The following RGS6 variants were observed in gnomAD, a reference collection of about 807,000 sequenced individuals.
RGS6 encodes regulator of G protein signaling 6.
A neutral mutation model predicts 78.5 loss-of-function variants in RGS6; 30 were observed. The ratio of observed to expected loss-of-function variants is 0.38; its 90% CI spans 0.29 to 0.52. The LOEUF (loss-of-function observed/expected upper bound fraction) is 0.52. Ranked by LOEUF, RGS6 falls within the 20% of genes least tolerant of loss-of-function variation. The pLI is 0.85. For synonymous variants in RGS6, 206 were observed against 206.0 expected, an observed-to-expected ratio of 1.00 and a Z score of 0.00; for missense variants, 495 against 609.7, an observed-to-expected ratio of 0.81 and a Z score of 1.98.
chr14:72,132,090 T>C (rs979065289), intron 2 of RGS6, among the ~76,000 whole-genome samples: 10 of 152,184 alleles, frequency 6.6e-5, no homozygotes, highest in Non-Finnish European at 1.3e-4. Flanking sequence ...GATATTGTCT[T>C]GTAATTATTT....
At chr14:72,392,202 A>ATG (rs2090161501) in intron 3 of RGS6, among the ~76,000 whole-genome samples, 1 of 151,876 alleles carries the variant, frequency 6.6e-6, no homozygotes, top group African/African-American at 2.4e-5. Context: ...ATATATATAT[A>ATG]TTTGTCACAA....
At position 72,490,514 on chromosome 14, in the gene RGS6, G is replaced by A. The variant is rs980589710; in HGVS notation, c.855-4638G>A. On this transcript the variant is annotated intron_variant, in intron 12 of 17. Transcript: ENST00000553525. ...CAGAGGATGTGCCTCTAGTGTGCCCGTGGTTTCGCTTGTCTATTTTATATT... is the reference window on the plus strand; with the variant it reads ...CAGAGGATGTGCCTCTAGTGTGCCCATGGTTTCGCTTGTCTATTTTATATT... Among the ~76,000 whole-genome samples the A allele has an allele frequency of 6.6e-5, 10 of 152,144 alleles. 1 individual carries two copies. The highest frequency in any genetic ancestry group is 1.9e-4 in the East Asian group (1 of 5,196).
Position 72,187,227 on chromosome 14 carries a change from A to G in RGS6, c.85-164868A>G, listed in dbSNP as rs2097259831. On this transcript the variant is annotated intron_variant, in intron 2 of 17. Transcript: ENST00000553525. ...CCTCAGTAAATGAGCACTGCCTTAT[A>G]GGATATTGCTGAATATGTCTTGAAT... Among the ~76,000 whole-genome samples, 3 of 152,228 alleles carry G rather than the reference A, an allele frequency of 2.0e-5. No homozygotes were observed. In the South Asian group the frequency reaches 6.2e-4, roughly 32 times the overall value.
chr14:72,043,797 A>G (rs929927239), intron 2 of RGS6, among the ~76,000 whole-genome samples: 4 of 152,064 alleles, frequency 2.6e-5, no homozygotes, highest in South Asian at 2.1e-4. Context: ...GTTCTTGGTC[A>G]TTATTCCTTC....
chr14:72,498,080 T>G (rs185229006), intron 13 of RGS6, among the ~76,000 whole-genome samples: 1 of 152,192 alleles, frequency 6.6e-6, no homozygotes, highest in Non-Finnish European at 1.5e-5. Flanking sequence ...AGAGAGTTTT[T>G]CTTTTCCCAC....
At chr14:72,535,809 G>A (rs2097243093) in intron 15 of RGS6, among the ~76,000 whole-genome samples, 1 of 152,178 alleles carries the variant, frequency 6.6e-6, no homozygotes, top group Admixed American at 6.5e-5. Flanking sequence ...ATAATCTGGA[G>A]CTTGGCTTTT....
chr14:72,302,667 CACACACATACACAT>C (rs2066340901), intron 2 of RGS6, among the ~76,000 whole-genome samples: 1 of 147,894 alleles, frequency 6.8e-6, no homozygotes. Context: ...AGGCCCCCAA[CACACACATACACAT>C]ACACACACAC....
At chr14:72,312,831 T>C (rs1178087764) in intron 2 of RGS6, among the ~76,000 whole-genome samples, 2 of 152,180 alleles carry the variant, frequency 1.3e-5, no homozygotes, top group Non-Finnish European at 1.5e-5. Context: ...ATCAAATCCC[T>C]TCCATAACCC....
intron 2 of RGS6, among the ~76,000 whole-genome samples, chr14:72,227,012 C>G (rs551062356): frequency 1.3e-5 from 2 of 152,264 alleles, no homozygotes; most frequent in Admixed American, 1.3e-4. Context: ...CCAAACAAAT[C>G]AAACCAACCA....
chr14:72,598,328 A>G, the RGS6 span, among the ~76,000 whole-genome samples: 1 of 152,210 alleles, frequency 6.6e-6, no homozygotes, highest in East Asian at 1.9e-4. Flanking sequence ...GGGACTAGGA[A>G]GGGTCCCAGG....
chr14:71,919,649 T>C, the RGS6 span, among the ~76,000 whole-genome samples: 1 of 152,324 alleles, frequency 6.6e-6, no homozygotes, highest in East Asian at 1.9e-4. Flanking sequence ...GCTTCAACTA[T>C]ATCTCTAATC....
At chr14:72,467,975 C>A (rs1380499746) in intron 7 of RGS6, among the ~76,000 whole-genome samples, 1 of 152,184 alleles carries the variant, frequency 6.6e-6, no homozygotes, top group African/African-American at 2.4e-5. Context: ...CTGTGTGTCT[C>A]TTCCCCATAT....
intron 2 of RGS6, among the ~76,000 whole-genome samples, chr14:71,979,635 G>C (rs2094342125): frequency 6.6e-6 from 1 of 151,838 alleles, no homozygotes; most frequent in Non-Finnish European, 1.5e-5. Context: ...GAGATAGTTT[G>C]TTATAATTTC....
chr14:72,580,307 T>TTCCCCCCTCCCCCCCCCCCCC, the RGS6 span, among the ~76,000 whole-genome samples: 1 of 127,512 alleles, frequency 7.8e-6, no homozygotes, highest in African/African-American at 3.6e-5. Flanking sequence ...AGCAAAAATG[T>TTCCCCCCTCCCCCCCCCCCCC]CCCCCCCACC....
At chr14:72,518,321 G>A in intron 14 of RGS6, 30 bp from the exon 15 acceptor site, 2 of 1,605,536 alleles carry the variant, frequency 1.2e-6, no homozygotes, top group South Asian at 1.1e-5. Context: ...GAGCCCCCTG[G>A]AACTGACTGT....
intron 2 of RGS6, among the ~76,000 whole-genome samples, chr14:72,200,584 A>T (rs2153735694): frequency 6.6e-6 from 1 of 152,192 alleles, no homozygotes; most frequent in South Asian, 2.1e-4. Flanking sequence ...GCAGCACAGG[A>T]CGGGGAGTGG....
chr14:72,224,077 C>A (rs184844209), intron 2 of RGS6, among the ~76,000 whole-genome samples: 1 of 152,182 alleles, frequency 6.6e-6, no homozygotes, highest in African/African-American at 2.4e-5. Flanking sequence ...CCGTCAACAG[C>A]TGAAATACAA....
intron 2 of RGS6, among the ~76,000 whole-genome samples, chr14:72,143,567 C>G (rs751024916): frequency 8.5e-5 from 13 of 152,208 alleles, no homozygotes; most frequent in African/African-American, 1.9e-4. Flanking sequence ...TAAAATGGCT[C>G]ATTTTGCCAA....
intron 3 of RGS6, among the ~76,000 whole-genome samples, chr14:72,412,342 A>G (rs563753641): frequency 4.6e-5 from 7 of 152,106 alleles, no homozygotes; most frequent in African/African-American, 1.7e-4. Context: ...TAGATTTTCT[A>G]TTTATTTGCA....
Sources: gnomAD v4.1 joint callset for allele counts (sites outside exome capture counted in the v4.1 genomes callset) on GRCh38, gnomAD v4.1.1 for gene constraint, MANE v1.5 for transcripts, NCBI Gene and HGNC (gene_info 2026-07-23, HGNC 2026-07-21) for gene names.